The following AFG2A variants were observed in gnomAD, a reference collection of about 807,000 sequenced individuals.
AFG2A encodes ATPase family gene 2 protein homolog A.
the AFG2A span, among the ~76,000 whole-genome samples, chr4:123,093,032 A>T: frequency 1.2e-4 from 19 of 152,188 alleles, no homozygotes; most frequent in Non-Finnish European, 2.8e-4. Flanking sequence ...AGCCCTTCGC[A>T]GTAGCACCTA....
chr4:122,983,106 TC>T, the AFG2A span, among the ~76,000 whole-genome samples: 1 of 152,066 alleles, frequency 6.6e-6, no homozygotes. Flanking sequence ...GACCTCATGA[TC>T]CGCCCACCTC....
At chr4:123,314,147 A>T in the AFG2A span, 1 of 1,230,742 alleles carries the variant, frequency 8.1e-7, no homozygotes, top group Non-Finnish European at 1.1e-6. Context: ...GTGTTAAAAA[A>T]AATTTTACTA....
At chr4:123,226,835 G>A in the AFG2A span, among the ~76,000 whole-genome samples, 1 of 152,080 alleles carries the variant, frequency 6.6e-6, no homozygotes, top group Admixed American at 6.5e-5. Flanking sequence ...GAATCCATCT[G>A]GTCCTGGACT....
chr4:123,016,236 A>T, the AFG2A span, among the ~76,000 whole-genome samples: 6 of 143,114 alleles, frequency 4.2e-5, no homozygotes, highest in Admixed American at 4.1e-4. Context: ...TCCCTCCCGG[A>T]CGGGGCGGCT....
At chr4:122,971,423 A>C in the AFG2A span, among the ~76,000 whole-genome samples, 1 of 152,310 alleles carries the variant, frequency 6.6e-6, no homozygotes, top group Middle Eastern at 3.4e-3. Flanking sequence ...ACCACAAAAA[A>C]CAAAATTTTA....
the AFG2A span, chr4:123,318,034 T>G: frequency 2.0e-5 from 3 of 152,218 alleles, no homozygotes; most frequent in African/African-American, 7.2e-5. Flanking sequence ...GTACTTTTTG[T>G]GTACCTAAAT....
the AFG2A span, among the ~76,000 whole-genome samples, chr4:123,291,150 T>G: frequency 6.6e-6 from 1 of 152,202 alleles, no homozygotes; most frequent in African/African-American, 2.4e-5. Flanking sequence ...GCTTTTGGTT[T>G]CATTTGCATG....
At chr4:123,311,095 G>T in the AFG2A span, among the ~76,000 whole-genome samples, 1 of 152,168 alleles carries the variant, frequency 6.6e-6, no homozygotes, top group Non-Finnish European at 1.5e-5. Flanking sequence ...CTCTGTCCAA[G>T]TTTTCTATAT....
the AFG2A span, among the ~76,000 whole-genome samples, chr4:123,060,221 A>G: frequency 6.6e-6 from 1 of 152,180 alleles, no homozygotes; most frequent in Non-Finnish European, 1.5e-5. Flanking sequence ...ACATGGTGCA[A>G]GCTGTCAGTA....
At chr4:123,047,702 CT>C in the AFG2A span, among the ~76,000 whole-genome samples, 76 of 144,762 alleles carry the variant, frequency 5.2e-4, no homozygotes, top group East Asian at 1.4e-3. Flanking sequence ...TGTTTAAGTG[CT>C]TTTTTTTTTT....
the AFG2A span, among the ~76,000 whole-genome samples, chr4:123,016,906 A>G: frequency 1.3e-5 from 2 of 152,186 alleles, no homozygotes; most frequent in African/African-American, 2.4e-5. Flanking sequence ...GATCACTCGC[A>G]GTTCGGAGCT....
the AFG2A span, among the ~76,000 whole-genome samples, chr4:123,213,422 T>C: frequency 6.6e-6 from 1 of 152,160 alleles, no homozygotes; most frequent in Non-Finnish European, 1.5e-5. Flanking sequence ...TAAAATCATA[T>C]GGTTAGTCCC....
chr4:123,095,646 T>TA, the AFG2A span, among the ~76,000 whole-genome samples: 1 of 151,918 alleles, frequency 6.6e-6, no homozygotes, highest in Admixed American at 6.6e-5. Flanking sequence ...GAAGAAACTG[T>TA]AGTAGGAATA....
At chr4:123,100,307 AC>A in the AFG2A span, among the ~76,000 whole-genome samples, 1 of 151,778 alleles carries the variant, frequency 6.6e-6, no homozygotes, top group Non-Finnish European at 1.5e-5. Context: ...CTATACCTCT[AC>A]CTGATTTTAT....
At chr4:123,151,904 A>G in the AFG2A span, among the ~76,000 whole-genome samples, 1 of 152,178 alleles carries the variant, frequency 6.6e-6, no homozygotes, top group Non-Finnish European at 1.5e-5. Context: ...AGACTGAAAT[A>G]AAGAAAATGT....
chr4:123,080,212 G>T, the AFG2A span, among the ~76,000 whole-genome samples: 1 of 152,328 alleles, frequency 6.6e-6, no homozygotes, highest in East Asian at 1.9e-4. Flanking sequence ...CGTAAGGTTA[G>T]TTCCCACATG....
chr4:123,273,628 A>G, the AFG2A span, among the ~76,000 whole-genome samples: 1 of 152,130 alleles, frequency 6.6e-6, no homozygotes, highest in East Asian at 1.9e-4. Flanking sequence ...CCAAAATCCA[A>G]AACTTTTTGA....
the AFG2A span, among the ~76,000 whole-genome samples, chr4:123,079,909 C>A: frequency 1.1e-4 from 17 of 151,658 alleles, no homozygotes; most frequent in Non-Finnish European, 2.1e-4. Context: ...ACTACCACAC[C>A]CGGCTAATTT....
At chr4:122,994,550 G>A in the AFG2A span, among the ~76,000 whole-genome samples, 1 of 152,008 alleles carries the variant, frequency 6.6e-6, no homozygotes, top group Non-Finnish European at 1.5e-5. Flanking sequence ...TTCATTTTAT[G>A]TAGCATTTTA....
Sources: gnomAD v4.1 joint callset for allele counts (sites outside exome capture counted in the v4.1 genomes callset) on GRCh38, gnomAD v4.1.1 for gene constraint, MANE v1.5 for transcripts, NCBI Gene and HGNC (gene_info 2026-07-23, HGNC 2026-07-21) for gene names.